Variants in RASGEF1C observed in about 807,000 individuals in gnomAD.
RASGEF1C encodes the protein RasGEF domain family member 1C, also known as ras-GEF domain-containing family member 1C.
In RASGEF1C, 27 loss-of-function variants were observed where a neutral mutation model predicts 58.1. That is an observed-to-expected ratio of 0.46 (90% CI 0.34 to 0.64). The LOEUF (loss-of-function observed/expected upper bound fraction) is 0.64. Among genes scored for constraint, RASGEF1C ranks in the 30% least tolerant of loss-of-function variants. The probability of loss-of-function intolerance (pLI) is 0.01; values close to 1 mark genes in which losing one functional copy is unlikely to be tolerated. For synonymous variants in RASGEF1C, 243 were observed against 246.3 expected, an observed-to-expected ratio of 0.99 and a Z score of 0.13; for missense variants, 502 against 605.1, an observed-to-expected ratio of 0.83 and a Z score of 1.79.
rs1362314597 is a variant in RASGEF1C at position 180,209,043 on chromosome 5, C to G, written c.-22G>C. 3.5e-5 allele frequency: 5 copies of G among 144,926 alleles called. No homozygotes were observed. Among genetic ancestry groups the G allele is most frequent in the Non-Finnish European group, 7.7e-5 (5 of 65,246 alleles). 9.0% of individuals were successfully genotyped at this position (144,926 alleles called of 1,614,324 possible). ...CACCACTCACCGGCTCCCGGCGCGC[C>G]GGAACTCCGGGCCCGGCCCATGGGC... On this transcript the variant is annotated 5_prime_UTR_variant, in exon 1 of 14. Transcript: ENST00000361132.
rs951457731 is a variant in RASGEF1C at position 180,158,929 on chromosome 5, C to T, written c.-6-20871G>A. On this transcript the variant is annotated intron_variant, in intron 1 of 13. Transcript: ENST00000361132. This position sits in a 1 kb window ranked among gnomAD's most constrained non-coding sequence, Gnocchi z 4.0. ...CTCCAATTTAAAAAATATTTTCTCT[C>T]CTACTTTCCATTACAAAATCTTCGT... Among the ~76,000 whole-genome samples, 1 of 152,100 alleles carries T rather than the reference C, an allele frequency of 6.6e-6. No individual in the cohort carries two copies. Among genetic ancestry groups the T allele is most frequent in the African/African-American group, 2.4e-5 (1 of 41,422 alleles).
chr5:180,174,217 T>G (rs1043545292), intron 1 of RASGEF1C, among the ~76,000 whole-genome samples: 2 of 152,158 alleles, frequency 1.3e-5, no homozygotes, highest in Non-Finnish European at 2.9e-5. Flanking sequence ...TTCTCATTCT[T>G]GCTATAAGAA....
rs1767254734 is a variant in RASGEF1C at position 180,177,742 on chromosome 5, G to T, written c.-7+31286C>A. ...GCCTCTGGGATAAATCCATGGGCAGGCATGTCACCTGGGTGGGCCACCAGA... is the reference window on the plus strand; with the variant it reads ...GCCTCTGGGATAAATCCATGGGCAGTCATGTCACCTGGGTGGGCCACCAGA... On this transcript the variant is annotated intron_variant, in intron 1 of 13. Coordinates refer to ENST00000361132, the MANE Select transcript of RASGEF1C (RefSeq NM_175062.4). The surrounding 1 kb of genome is among the most constrained non-coding windows in gnomAD (Gnocchi z 5.0). Among the ~76,000 whole-genome samples the T allele has an allele frequency of 6.6e-6, 1 of 152,184 alleles. No homozygotes were observed. The highest frequency in any genetic ancestry group is 1.5e-5 in the Non-Finnish European group (1 of 68,030).
chr5:180,159,765 C>G (rs1766908323), intron 1 of RASGEF1C, among the ~76,000 whole-genome samples: 1 of 152,204 alleles, frequency 6.6e-6, no homozygotes, highest in Non-Finnish European at 1.5e-5. Flanking sequence ...GGTTACTTAC[C>G]CACTTGCTTT....
chr5:180,137,535 A>C lies in RASGEF1C; in HGVS notation c.300+55T>G. On this transcript the variant is annotated intron_variant, in intron 3 of 13. Coordinates refer to ENST00000361132, the MANE Select transcript of RASGEF1C (RefSeq NM_175062.4). The surrounding 1 kb of genome is among the most constrained non-coding windows in gnomAD (Gnocchi z 4.1). ...CCCGAGAGGCTGATGCGTTGAGGGC[A>C]TGGCAGGGCAGTGCTGGTACACTCT... 3.8e-6 allele frequency: 6 copies of C among 1,582,470 alleles called. No homozygotes were observed. In the South Asian group the frequency reaches 5.7e-5, roughly 15 times the overall value.
At chr5:180,206,735 C>G (rs1283783600) in intron 1 of RASGEF1C, among the ~76,000 whole-genome samples, 1 of 152,112 alleles carries the variant, frequency 6.6e-6, no homozygotes, top group Non-Finnish European at 1.5e-5. Context: ...AGCCACAGAA[C>G]GAAATACTAT....
chr5:180,117,073 G>A (rs1182942409), intron 10 of RASGEF1C, among the ~76,000 whole-genome samples: 1 of 152,246 alleles, frequency 6.6e-6, no homozygotes, highest in African/African-American at 2.4e-5. Flanking sequence ...AGTGACATGA[G>A]GTTCCTACCC....
At position 180,137,361 on chromosome 5, in the gene RASGEF1C, G is replaced by A. The variant is rs1195558064; in HGVS notation, c.300+229C>T. Among the ~76,000 whole-genome samples, 2 of 152,310 alleles carry A rather than the reference G, an allele frequency of 1.3e-5. No individual in the cohort carries two copies. Among genetic ancestry groups the A allele is most frequent in the Middle Eastern group, 3.4e-3 (1 of 294 alleles). On this transcript the variant is annotated intron_variant, in intron 3 of 13. Transcript: ENST00000361132. This position sits in a 1 kb window ranked among gnomAD's most constrained non-coding sequence, Gnocchi z 4.1. Reference sequence around the variant, plus strand: ...ACCGGGCTCCGGATACTCAGGTCTGGGCTTAATGGGCTCAAGGGTTCCCGT... The same window carrying A: ...ACCGGGCTCCGGATACTCAGGTCTGAGCTTAATGGGCTCAAGGGTTCCCGT...
chr5:180,119,304 G>A (rs763304182), intron 8 of RASGEF1C, 42 bp downstream of exon 8: 17 of 1,518,360 alleles, frequency 1.1e-5, no homozygotes, highest in Non-Finnish European at 1.6e-5. Flanking sequence ...CCTCTCGGGG[G>A]ACCCGTGCAC....
At chr5:180,110,976 C>T (rs144028014) in intron 12 of RASGEF1C, among the ~76,000 whole-genome samples, 12 of 152,056 alleles carry the variant, frequency 7.9e-5, no homozygotes, top group African/African-American at 2.4e-4. Flanking sequence ...CTACAACGCC[C>T]GGCTAATTTT....
rs1451517129 is a variant in RASGEF1C at position 180,143,080 on chromosome 5, G to T, written c.-6-5022C>A. The stretch of plus-strand genomic sequence containing the variant: ...GTGTGTGTCTCCAGGCCCTGCACCT[G>T]GAGGTCCTGGGGCTCCTGCAGCAGT... On this transcript the variant is annotated intron_variant, in intron 1 of 13. Coordinates refer to ENST00000361132, the MANE Select transcript of RASGEF1C (RefSeq NM_175062.4). This position sits in a 1 kb window ranked among gnomAD's most constrained non-coding sequence, Gnocchi z 4.3. Among the ~76,000 whole-genome samples, 3 of 152,120 alleles carry T rather than the reference G, an allele frequency of 2.0e-5. No homozygotes were observed. The highest frequency in any genetic ancestry group is 7.2e-5 in the African/African-American group (3 of 41,434).
intron 1 of RASGEF1C, among the ~76,000 whole-genome samples, chr5:180,208,636 A>G (rs1756536372): frequency 1.3e-5 from 2 of 152,120 alleles, no homozygotes; most frequent in Admixed American, 6.5e-5. Context: ...GTGCACCGGC[A>G]GGTCTGCTTT....
Position 180,174,056 on chromosome 5 carries a change from G to A in RASGEF1C, c.-7+34972C>T, listed in dbSNP as rs905082481. 5.9e-5 allele frequency among the ~76,000 whole-genome samples: 9 copies of A among 152,026 alleles called. No homozygotes were observed. In the South Asian group the frequency reaches 6.3e-4, roughly 11 times the overall value. The stretch of plus-strand genomic sequence containing the variant: ...TGTGGTCCTCCTCGCTGCTGCTCTC[G>A]GGGGCTCCTTCCGCCTGGAGACGGT... On this transcript the variant is annotated intron_variant, in intron 1 of 13. Coordinates refer to ENST00000361132, the MANE Select transcript of RASGEF1C (RefSeq NM_175062.4).
In RASGEF1C at chr5:180,101,067, G is replaced by A. The variant is rs2278661; in HGVS notation, c.*434C>T. On this transcript the variant is annotated 3_prime_UTR_variant, in exon 14 of 14. Coordinates refer to ENST00000361132, the MANE Select transcript of RASGEF1C (RefSeq NM_175062.4). ...GGGGCTGGCGCAGGCATCTCACGTC[G>A]CACCGTGATGCCTGCTGTGGCTCCA... 0.42 allele frequency: 72,211 copies of A among 170,582 alleles called. 16,308 individuals carry two copies. Among genetic ancestry groups the A allele is most frequent in the South Asian group, 0.61 (3,309 of 5,406 alleles). 10.6% of individuals were successfully genotyped at this position (170,582 alleles called of 1,614,324 possible).
chr5:180,109,249 G>T (rs2113238254), intron 12 of RASGEF1C, among the ~76,000 whole-genome samples: 2 of 152,224 alleles, frequency 1.3e-5, no homozygotes, highest in East Asian at 3.9e-4. Flanking sequence ...GAGGTCAGGA[G>T]ATTGAGACCA....
intron 1 of RASGEF1C, among the ~76,000 whole-genome samples, chr5:180,164,537 A>T (rs1017504384): frequency 1.4e-4 from 21 of 152,208 alleles, no homozygotes; most frequent in Admixed American, 3.9e-4. Flanking sequence ...CCCTTGAGAC[A>T]TCCATTTTTA....
At chr5:180,196,259 G>A (rs1433145042) in intron 1 of RASGEF1C, among the ~76,000 whole-genome samples, 1 of 152,094 alleles carries the variant, frequency 6.6e-6, no homozygotes, top group African/African-American at 2.4e-5. Context: ...CGGCACTTTG[G>A]GAGGCCAAGG....
chr5:180,170,920 T>G (rs1767098895), intron 1 of RASGEF1C, among the ~76,000 whole-genome samples: 1 of 152,132 alleles, frequency 6.6e-6, no homozygotes, highest in Non-Finnish European at 1.5e-5. Flanking sequence ...TGTCCCCACC[T>G]TGCCCTGGGG....
chr5:180,148,110 C>G (rs1766686985), intron 1 of RASGEF1C, among the ~76,000 whole-genome samples: 1 of 152,140 alleles, frequency 6.6e-6, no homozygotes, highest in African/African-American at 2.4e-5. Flanking sequence ...TTCTTTGTCT[C>G]TGGTAATCCT....
Sources: allele counts gnomAD v4.1 joint callset (sites outside exome capture counted in the v4.1 genomes callset), GRCh38; gene constraint gnomAD v4.1.1; non-coding constraint Gnocchi (gnomAD v3.1); transcripts MANE v1.5; gene names NCBI Gene and HGNC (gene_info 2026-07-23, HGNC 2026-07-21).